THRB: variants seen among roughly 807,000 people sequenced by gnomAD.
THRB encodes the protein nuclear receptor subfamily 1 group A member 2.
In THRB, 12 loss-of-function variants were observed where a neutral mutation model predicts 47.8. That is an observed-to-expected ratio of 0.25 (90% CI 0.16 to 0.41). The LOEUF (loss-of-function observed/expected upper bound fraction) is 0.41, where lower values mean the gene tolerates loss of function less well. Ranked by LOEUF, THRB falls within the 10% of genes least tolerant of loss-of-function variation. THRB has a pLI of 1.00. For synonymous variants in THRB, 218 were observed against 212.2 expected, an observed-to-expected ratio of 1.03 and a Z score of -0.24; for missense variants, 348 against 589.2, an observed-to-expected ratio of 0.59 and a Z score of 4.24.
rs997560700 is a variant in THRB at position 24,272,038 on chromosome 3, G to A, written c.-43+25188C>T. On this transcript the variant is annotated intron_variant, in intron 3 of 10. Transcript: ENST00000646209. ...ATAATCTTTGGATGGATAGGATTGCGGACAATTTAAAATTTTCCTATAGTC... is the reference window on the plus strand; with the variant it reads ...ATAATCTTTGGATGGATAGGATTGCAGACAATTTAAAATTTTCCTATAGTC... 4.6e-5 allele frequency among the ~76,000 whole-genome samples: 7 copies of A among 152,184 alleles called. No individual in the cohort carries two copies. The East Asian group carries it at 5.8e-4, about 13-fold the overall frequency.
intron 10 of THRB, among the ~76,000 whole-genome samples, chr3:24,125,660 A>G (rs2032617326): frequency 6.6e-6 from 1 of 152,166 alleles, no homozygotes; most frequent in African/African-American, 2.4e-5. Flanking sequence ...GCTGGCTGTC[A>G]CTGGAGACCA....
rs879861162 is a variant in THRB at position 24,222,894 on chromosome 3, C to T, written c.22+6044G>A. Among the ~76,000 whole-genome samples, 9 of 152,144 alleles carry T rather than the reference C, an allele frequency of 5.9e-5. 1 individual carries two copies. The highest frequency in any genetic ancestry group is 5.2e-4 in the Admixed American group (8 of 15,264). On this transcript the variant is annotated intron_variant, in intron 4 of 10. Coordinates refer to ENST00000646209, the MANE Select transcript of THRB (RefSeq NM_001354712.2). ...TAGATGGCTGTATGGAATCCAAGGCCAAGTTTTATTTTTGGTCACATCTGG... is the reference window on the plus strand; with the variant it reads ...TAGATGGCTGTATGGAATCCAAGGCTAAGTTTTATTTTTGGTCACATCTGG...
chr3:24,194,786 A>C, intron 4 of THRB, among the ~76,000 whole-genome samples: 1 of 152,250 alleles, frequency 6.6e-6, no homozygotes, highest in Non-Finnish European at 1.5e-5. Flanking sequence ...AGGGAGAATT[A>C]GATTAAAATA....
At chr3:24,330,293 G>A (rs1335634129) in intron 2 of THRB, among the ~76,000 whole-genome samples, 2 of 151,854 alleles carry the variant, frequency 1.3e-5, no homozygotes, top group African/African-American at 4.8e-5. Context: ...CGGCCTGGGC[G>A]ACAGAGCGAG....
intron 3 of THRB, among the ~76,000 whole-genome samples, chr3:24,231,985 G>T (rs1478307692): frequency 6.6e-6 from 1 of 152,154 alleles, no homozygotes; most frequent in African/African-American, 2.4e-5. Context: ...GAAAGGGGTG[G>T]CTACGCTAAT....
chr3:24,239,825 C>T (rs1380016531), intron 3 of THRB, among the ~76,000 whole-genome samples: 1 of 152,132 alleles, frequency 6.6e-6, no homozygotes, highest in Non-Finnish European at 1.5e-5. Flanking sequence ...TGGGGACAGT[C>T]ATGCTGTAAC....
chr3:24,246,933 GA>G lies in THRB; in HGVS notation c.-42-17933del, dbSNP rs879333290. Among the ~76,000 whole-genome samples the G allele has an allele frequency of 3.9e-4, 59 of 152,080 alleles. 2 individuals are homozygous for G. Among genetic ancestry groups the G allele is most frequent in the South Asian group, 1.0e-3 (5 of 4,828 alleles). On this transcript the variant is annotated intron_variant, in intron 3 of 10. Coordinates refer to ENST00000646209, the MANE Select transcript of THRB (RefSeq NM_001354712.2). Reference sequence around the variant, plus strand: ...CAAACATGAACTATTTCACTTTTCAGAAAAAAATTCATGTAATTTGAAAACA... The same window carrying G: ...CAAACATGAACTATTTCACTTTTCAGAAAAAATTCATGTAATTTGAAAACA...
chr3:24,322,422 A>T (rs927381850), intron 2 of THRB, among the ~76,000 whole-genome samples: 1 of 152,240 alleles, frequency 6.6e-6, no homozygotes, highest in Non-Finnish European at 1.5e-5. Flanking sequence ...ATCTATATCC[A>T]CCAAATAACA....
intron 5 of THRB, among the ~76,000 whole-genome samples, chr3:24,181,794 T>C (rs2041930801): frequency 6.6e-6 from 1 of 152,236 alleles, no homozygotes; most frequent in African/African-American, 2.4e-5. Flanking sequence ...AGTCCCATTC[T>C]TTCCATTGTC....
chr3:24,317,669 T>C (rs1193139314), intron 2 of THRB, among the ~76,000 whole-genome samples: 1 of 152,172 alleles, frequency 6.6e-6, no homozygotes, highest in East Asian at 1.9e-4. Context: ...GAAACTACAA[T>C]TCAATTCTTA....
In THRB at chr3:24,424,201, C is replaced by T. The variant is rs184749118; in HGVS notation, c.-261+70451G>A. Among the ~76,000 whole-genome samples the T allele has an allele frequency of 4.7e-4, 71 of 151,950 alleles. 1 individual carries two copies. The East Asian group carries it at 7.4e-3, about 16-fold the overall frequency. ...CATTCCCGCCCGTCTACCCACCCTC[C>T]GCCCACCTTCCAGAGGTTTCAGTTA... On this transcript the variant is annotated intron_variant, in intron 1 of 10. Coordinates refer to ENST00000646209, the MANE Select transcript of THRB (RefSeq NM_001354712.2).
At chr3:24,354,951 T>C (rs754627192) in intron 1 of THRB, among the ~76,000 whole-genome samples, 2 of 152,116 alleles carry the variant, frequency 1.3e-5, no homozygotes, top group Non-Finnish European at 2.9e-5. Flanking sequence ...CAAGGCAGAA[T>C]GGATATTAAA....
intron 4 of THRB, among the ~76,000 whole-genome samples, chr3:24,197,168 C>A (rs1489682862): frequency 6.6e-6 from 1 of 152,186 alleles, no homozygotes; most frequent in Non-Finnish European, 1.5e-5. Flanking sequence ...AAACTATTTC[C>A]TAGGGACATA....
chr3:24,142,506 G>A (rs1344910447), intron 8 of THRB, among the ~76,000 whole-genome samples: 2 of 152,210 alleles, frequency 1.3e-5, no homozygotes, highest in Admixed American at 6.5e-5. Context: ...TAATGTTGAG[G>A]TACAAGGATA....
intron 1 of THRB, among the ~76,000 whole-genome samples, chr3:24,358,888 G>C (rs1291886348): frequency 6.6e-6 from 1 of 152,086 alleles, no homozygotes; most frequent in African/African-American, 2.4e-5. Flanking sequence ...ATCAATAAAA[G>C]AACTTAGCTC....
intron 1 of THRB, among the ~76,000 whole-genome samples, chr3:24,420,101 A>G (rs1156312366): frequency 6.6e-6 from 1 of 151,912 alleles, no homozygotes; most frequent in African/African-American, 2.4e-5. Context: ...TATAAAAATG[A>G]CATAAATTTA....
chr3:24,363,342 T>C (rs912797131), intron 1 of THRB, among the ~76,000 whole-genome samples: 1 of 152,146 alleles, frequency 6.6e-6, no homozygotes, highest in African/African-American at 2.4e-5. Context: ...TTAACTCTGT[T>C]TTTAATGTTT....
intron 10 of THRB, among the ~76,000 whole-genome samples, chr3:24,123,378 C>T (rs1371239507): frequency 6.6e-6 from 1 of 152,138 alleles, no homozygotes; most frequent in Admixed American, 6.5e-5. Flanking sequence ...GTGTGAATTA[C>T]CTTCTTGAGT....
At chr3:24,454,365 G>A (rs2072965665) in intron 1 of THRB, among the ~76,000 whole-genome samples, 1 of 152,156 alleles carries the variant, frequency 6.6e-6, no homozygotes, top group South Asian at 2.1e-4. Flanking sequence ...GCTGGAGGAG[G>A]GAATGAGGAG....
Sources: allele counts gnomAD v4.1 joint callset (sites outside exome capture counted in the v4.1 genomes callset), GRCh38; gene constraint gnomAD v4.1.1; transcripts MANE v1.5; gene names NCBI Gene and HGNC (gene_info 2026-07-23, HGNC 2026-07-21).